TDRD3: variants seen among roughly 807,000 people sequenced by gnomAD.
TDRD3 encodes tudor domain-containing protein 3.
In TDRD3, 45 loss-of-function variants were observed where a neutral mutation model predicts 86.7. The ratio of observed to expected loss-of-function variants is 0.52; its 90% CI spans 0.41 to 0.67. TDRD3 has a LOEUF of 0.67. Among genes scored for constraint, TDRD3 ranks in the 30% least tolerant of loss-of-function variants. The pLI, the probability that TDRD3 is intolerant of heterozygous loss-of-function variation, is 0.00. For synonymous variants in TDRD3, 298 were observed against 301.7 expected, an observed-to-expected ratio of 0.99 and a Z score of 0.13; for missense variants, 814 against 889.0, an observed-to-expected ratio of 0.92 and a Z score of 1.07.
At chr13:60,562,324 C>A (rs1437139703) in intron 12 of TDRD3, among the ~76,000 whole-genome samples, 9 of 150,376 alleles carry the variant, frequency 6.0e-5, no homozygotes, top group Non-Finnish European at 1.0e-4. Context: ...CTTCCCCCCA[C>A]CCCCGGCAAA....
chr13:60,480,515 TCA>T (rs1200080639), intron 5 of TDRD3, among the ~76,000 whole-genome samples: 8 of 152,228 alleles, frequency 5.3e-5, no homozygotes, highest in Non-Finnish European at 1.0e-4. Flanking sequence ...TTGAATTTCT[TCA>T]GTTTGCATGT....
intron 3 of TDRD3, among the ~76,000 whole-genome samples, chr13:60,451,101 G>C (rs1955529174): frequency 6.6e-6 from 1 of 152,202 alleles, no homozygotes; most frequent in Non-Finnish European, 1.5e-5. Flanking sequence ...GATAAGTATA[G>C]TGGATATTTG....
intron 6 of TDRD3, among the ~76,000 whole-genome samples, chr13:60,485,448 A>T (rs769806180): frequency 6.6e-6 from 1 of 152,130 alleles, no homozygotes; most frequent in Admixed American, 6.5e-5. Flanking sequence ...TTAATTACAA[A>T]ACCAAATTTA....
In TDRD3 at chr13:60,560,796, A is replaced by G. The variant is rs185792062; in HGVS notation, c.2119-6729A>G. Among the ~76,000 whole-genome samples, 749 of 152,292 alleles carry G rather than the reference A, an allele frequency of 4.9e-3. 3 individuals are homozygous for G. Among genetic ancestry groups the G allele is most frequent in the Middle Eastern group, 0.024 (7 of 294 alleles). On this transcript the variant is annotated intron_variant, in intron 12 of 13. Coordinates refer to ENST00000377881, the MANE Select transcript of TDRD3 (RefSeq NM_001146070.2). ...TAGTATTTAAAGAAAAAAGATTAGA[A>G]CCACAATGGGATGTCCCACAGTCCT...
At chr13:60,420,763 A>AC (rs1954634085) in intron 1 of TDRD3, among the ~76,000 whole-genome samples, 1 of 152,018 alleles carries the variant, frequency 6.6e-6, no homozygotes, top group Non-Finnish European at 1.5e-5. Flanking sequence ...TAACATGGTG[A>AC]AACCCCGTCT....
intron 5 of TDRD3, among the ~76,000 whole-genome samples, chr13:60,471,259 T>G (rs1169340164): frequency 3.9e-5 from 6 of 152,194 alleles, no homozygotes; most frequent in African/African-American, 7.2e-5. Flanking sequence ...CTTTTGCATG[T>G]GAATATCCAG....
At chr13:60,506,183 C>G (rs1956933662) in intron 8 of TDRD3, among the ~76,000 whole-genome samples, 1 of 152,196 alleles carries the variant, frequency 6.6e-6, no homozygotes, top group Admixed American at 6.5e-5. Flanking sequence ...TGGCACATCT[C>G]TCTGCAGAAA....
chr13:60,542,023 G>A (rs1258920747), intron 12 of TDRD3, among the ~76,000 whole-genome samples: 1 of 151,912 alleles, frequency 6.6e-6, no homozygotes, highest in African/African-American at 2.4e-5. Flanking sequence ...CACCGCACCT[G>A]GCCTCCTTCA....
At chr13:60,544,632 A>G (rs2137866933) in intron 12 of TDRD3, among the ~76,000 whole-genome samples, 1 of 152,164 alleles carries the variant, frequency 6.6e-6, no homozygotes, top group Non-Finnish European at 1.5e-5. Flanking sequence ...AAGCCTTTGA[A>G]TAGTATATTA....
At chr13:60,439,571 TC>T (rs1047021197) in intron 1 of TDRD3, 116 bp from the exon 2 acceptor site, 3 of 683,906 alleles carry the variant, frequency 4.4e-6, no homozygotes, top group Middle Eastern at 5.3e-4. Flanking sequence ...CAAGACTCTT[TC>T]CCTAGTATTT....
intron 1 of TDRD3, 23 bp downstream of exon 1, chr13:60,397,428 T>G (rs1953950097): frequency 1.4e-6 from 2 of 1,479,770 alleles, no homozygotes; most frequent in South Asian, 1.3e-5. Flanking sequence ...TCCCGCCGGC[T>G]GCCGGGCCGC....
intron 8 of TDRD3, 77 bp from the exon 9 acceptor site, chr13:60,509,686 A>G: frequency 6.5e-7 from 1 of 1,547,454 alleles, no homozygotes; most frequent in South Asian, 1.2e-5. Context: ...TTTAGTTAAA[A>G]GACAGTAAGT....
chr13:60,440,685 A>T (rs1238884167), intron 2 of TDRD3, among the ~76,000 whole-genome samples: 3 of 152,174 alleles, frequency 2.0e-5, no homozygotes, highest in Admixed American at 6.5e-5. Context: ...TGTCTCAAAA[A>T]AAAAAGTAAG....
intron 7 of TDRD3, among the ~76,000 whole-genome samples, chr13:60,486,944 A>G (rs963289090): frequency 6.6e-6 from 1 of 152,126 alleles, no homozygotes. Context: ...TCTTTCTTTT[A>G]TATAACTGAA....
intron 1 of TDRD3, among the ~76,000 whole-genome samples, chr13:60,438,675 T>G (rs891757759): frequency 6.6e-6 from 1 of 152,158 alleles, no homozygotes; most frequent in African/African-American, 2.4e-5. Flanking sequence ...CACTTTTTTT[T>G]GGTTGCTATT....
At chr13:60,527,089 C>G (rs1409522579) in intron 10 of TDRD3, among the ~76,000 whole-genome samples, 3 of 152,126 alleles carry the variant, frequency 2.0e-5, no homozygotes, top group African/African-American at 7.2e-5. Flanking sequence ...CCTGCTTCAG[C>G]CTTCCAAAGT....
At chr13:60,489,437 G>A (rs114960781) in intron 7 of TDRD3, among the ~76,000 whole-genome samples, 220 of 152,270 alleles carry the variant, frequency 1.4e-3, no homozygotes, top group African/African-American at 5.1e-3. Flanking sequence ...TTCCCGCAAT[G>A]TCTTTCTGTT....
intron 11 of TDRD3, among the ~76,000 whole-genome samples, chr13:60,534,086 A>G (rs9538738): frequency 0.45 from 68,188 of 151,976 alleles, 15,772 homozygotes; most frequent in South Asian, 0.55. Context: ...CAAGTAGAGA[A>G]GATCACTTGA....
At chr13:60,473,591 T>C (rs1956116191) in intron 5 of TDRD3, among the ~76,000 whole-genome samples, 1 of 152,060 alleles carries the variant, frequency 6.6e-6, no homozygotes, top group Non-Finnish European at 1.5e-5. Context: ...TGAATATCAT[T>C]AATTATTAGT....
Sources: gnomAD v4.1 joint callset for allele counts (sites outside exome capture counted in the v4.1 genomes callset) on GRCh38, gnomAD v4.1.1 for gene constraint, MANE v1.5 for transcripts, NCBI Gene and HGNC (gene_info 2026-07-23, HGNC 2026-07-21) for gene names.